Variants in MCF2L2 observed in about 807,000 individuals in gnomAD.
MCF2L2 encodes probable guanine nucleotide exchange factor MCF2L2.
Under a neutral mutation model 150.2 loss-of-function variants are expected in MCF2L2, and 102 were observed. The observed-to-expected ratio is 0.68, with a 90% CI of 0.58 to 0.80. The LOEUF is 0.80. MCF2L2 is among the 30% of genes least tolerant of loss of function. The pLI, the probability that MCF2L2 is intolerant of heterozygous loss-of-function variation, is 0.00. For synonymous variants in MCF2L2, 465 were observed against 491.3 expected, an observed-to-expected ratio of 0.95 and a Z score of 0.71; for missense variants, 1,256 against 1,372.8, an observed-to-expected ratio of 0.91 and a Z score of 1.34.
chr3:183,427,792 A>C (rs927784950), intron 1 of MCF2L2, 110 bp downstream of exon 1: 26 of 922,944 alleles, frequency 2.8e-5, no homozygotes, highest in East Asian at 2.3e-4. Context: ...GCAACCCCCC[A>C]GGAAGCGCGC....
In MCF2L2 at chr3:183,180,246, G is replaced by A. The variant is rs1391329972; in HGVS notation, c.3017-87C>T. ...TGGCAGGGTGTAGCAGGCAGTGCCT[G>A]TTGCAGGCACGGTCCTCCCCATCTC... On this transcript the variant is annotated intron_variant, in intron 27 of 29. Transcript: ENST00000328913. 4 of 833,150 alleles carry A rather than the reference G, an allele frequency of 4.8e-6. No individual in the cohort carries two copies. In the African/African-American group the frequency reaches 5.0e-5, roughly 10 times the overall value. 51.6% of individuals were successfully genotyped at this position (833,150 alleles called of 1,614,324 possible).
chr3:183,391,709 C>T lies in MCF2L2; in HGVS notation c.77-1930G>A, dbSNP rs552557236. Among the ~76,000 whole-genome samples the T allele has an allele frequency of 7.9e-5, 12 of 152,228 alleles. No homozygotes were observed. In the South Asian group the frequency reaches 1.5e-3, roughly 18 times the overall value. The stretch of plus-strand genomic sequence containing the variant: ...GGTTTGTTACATAATTCTCTTGCTA[C>T]GTTTCAAATTTTCTGTAATAAAATG... On this transcript the variant is annotated intron_variant, in intron 1 of 29. Transcript: ENST00000328913.
At position 183,181,971 on chromosome 3, in the gene MCF2L2, T is replaced by G. The variant is rs1232723809; in HGVS notation, c.3017-1812A>C. 6.6e-5 allele frequency among the ~76,000 whole-genome samples: 10 copies of G among 152,206 alleles called. No individual in the cohort carries two copies. Among genetic ancestry groups the G allele is most frequent in the Middle Eastern group, 3.4e-3 (1 of 294 alleles). On this transcript the variant is annotated intron_variant, in intron 27 of 29. Transcript: ENST00000328913. This position sits in a 1 kb window ranked among gnomAD's most constrained non-coding sequence, Gnocchi z 4.3. ...AGTTGGTTCCAGCCCCTCTGCAGGG[T>G]AAGTGGCACCTGGGGTAAAATGACT...
intron 10 of MCF2L2, among the ~76,000 whole-genome samples, chr3:183,308,436 T>C (rs918190441): frequency 4.6e-5 from 7 of 152,240 alleles, no homozygotes; most frequent in East Asian, 1.9e-4. Flanking sequence ...TCATCATATA[T>C]ATGAAATTCA....
In MCF2L2 at chr3:183,305,845, G is replaced by A. The variant is rs193092537; in HGVS notation, c.1113+3871C>T. Among the ~76,000 whole-genome samples, 33 of 152,074 alleles carry A rather than the reference G, an allele frequency of 2.2e-4. No individual in the cohort carries two copies. Among genetic ancestry groups the A allele is most frequent in the African/African-American group, 6.3e-4 (26 of 41,500 alleles). ...GCCTGGGCGGCAAGAGTGAAACTCC[G>A]TCTCAAAAAAAAGGGCAACTAAGGA... On this transcript the variant is annotated intron_variant, in intron 10 of 29. Transcript: ENST00000328913. This position sits in a 1 kb window ranked among gnomAD's most constrained non-coding sequence, Gnocchi z 4.1.
At chr3:183,263,421 C>T (rs1458999763) in intron 15 of MCF2L2, among the ~76,000 whole-genome samples, 1 of 152,134 alleles carries the variant, frequency 6.6e-6, no homozygotes, top group African/African-American at 2.4e-5. Flanking sequence ...GTCTCTCTTC[C>T]CCACTTAGAG....
At chr3:183,223,882 A>G (rs1242493659) in intron 19 of MCF2L2, among the ~76,000 whole-genome samples, 2 of 152,164 alleles carry the variant, frequency 1.3e-5, no homozygotes, top group Non-Finnish European at 2.9e-5. Flanking sequence ...TTTAAAACCC[A>G]TCTTAGAAGA....
At position 183,184,630 on chromosome 3, in the gene MCF2L2, G is replaced by C. The variant is rs572452263; in HGVS notation, c.3017-4471C>G. Reference sequence around the variant, plus strand: ...ATCTAGTGTTCACATTTAGTGCTTAGAATTCTAAGCTTTTTTATTTTGCTT... The same window carrying C: ...ATCTAGTGTTCACATTTAGTGCTTACAATTCTAAGCTTTTTTATTTTGCTT... On this transcript the variant is annotated intron_variant, in intron 27 of 29. Coordinates refer to ENST00000328913, the MANE Select transcript of MCF2L2 (RefSeq NM_015078.4). Among the ~76,000 whole-genome samples the C allele has an allele frequency of 4.6e-5, 7 of 152,332 alleles. No homozygotes were observed. In the South Asian group the frequency reaches 1.4e-3, roughly 32 times the overall value.
In MCF2L2 at chr3:183,180,067, T is replaced by A. The variant is rs1452413671; in HGVS notation, c.3105+4A>T. On this transcript the variant is annotated splice_donor_region_variant and intron_variant, in intron 28 of 29. Transcript: ENST00000328913. ...GATGAAAGAAACAAAAGGGAAGTAATTACACTCAGAGCACTGCTCTCCTTT... is the reference window on the plus strand; with the variant it reads ...GATGAAAGAAACAAAAGGGAAGTAAATACACTCAGAGCACTGCTCTCCTTT... 1.2e-6 allele frequency: 2 copies of A among 1,610,076 alleles called. No individual in the cohort carries two copies. The highest frequency in any genetic ancestry group is 2.2e-5 in the South Asian group (2 of 90,974).
chr3:183,376,442 G>A (rs956243652), intron 3 of MCF2L2: 3 of 152,158 alleles, frequency 2.0e-5, no homozygotes, highest in East Asian at 1.9e-4. Context: ...CTTCCTTGCC[G>A]CTCCCACAGA....
rs553375562 is a variant in MCF2L2, at chr3:183,323,894, T to G, written c.487-543A>C. 2.0e-5 allele frequency among the ~76,000 whole-genome samples: 3 copies of G among 152,064 alleles called. No homozygotes were observed. In the East Asian group the frequency reaches 5.8e-4, roughly 29 times the overall value. The stretch of plus-strand genomic sequence containing the variant: ...AGAAATACCAAAGCGTGGTATAGCC[T>G]GTGACAAAATGTTGACTTGGCTCAG... On this transcript the variant is annotated intron_variant, in intron 5 of 29. Coordinates refer to ENST00000328913, the MANE Select transcript of MCF2L2 (RefSeq NM_015078.4).
intron 1 of MCF2L2, among the ~76,000 whole-genome samples, chr3:183,401,726 T>C (rs1714767992): frequency 6.6e-6 from 1 of 152,262 alleles, no homozygotes; most frequent in Admixed American, 6.5e-5. Flanking sequence ...TCTCTCAGGA[T>C]AACGCATTTG....
chr3:183,294,531 A>G (rs1413197527), intron 13 of MCF2L2, among the ~76,000 whole-genome samples: 1 of 142,050 alleles, frequency 7.0e-6, no homozygotes, highest in African/African-American at 2.6e-5. Context: ...TTATTTATAT[A>G]TATATATGTA....
intron 1 of MCF2L2, among the ~76,000 whole-genome samples, chr3:183,417,179 G>A (rs938784050): frequency 6.8e-5 from 10 of 147,752 alleles, no homozygotes; most frequent in African/African-American, 2.5e-4. Flanking sequence ...GTATACAAGA[G>A]GATGTGCATA....
At position 183,213,248 on chromosome 3, in the gene MCF2L2, GA is replaced by G. The variant is rs1171572355; in HGVS notation, c.2496+2720del. ...TGCATCTCTAATATGCATTGGATTTGAAAAAAAAAAAAACTTTTGTTTTTTT... is the reference window on the plus strand; with the variant it reads ...TGCATCTCTAATATGCATTGGATTTGAAAAAAAAAAAACTTTTGTTTTTTT... On this transcript the variant is annotated intron_variant, in intron 22 of 29. Transcript: ENST00000328913. Among the ~76,000 whole-genome samples, 146 of 118,918 alleles carry G rather than the reference GA, an allele frequency of 1.2e-3. 1 individual carries two copies. The East Asian group carries it at 0.017, about 14-fold the overall frequency. The allele number at this position is 118,918 out of a possible 152,430, so 78.0% of individuals were successfully genotyped here. A position where few individuals can be genotyped will look rare whatever the true frequency, so the allele number is the denominator to read the frequency against.
At chr3:183,286,162 T>G (rs1371221468) in intron 14 of MCF2L2, among the ~76,000 whole-genome samples, 1 of 152,142 alleles carries the variant, frequency 6.6e-6, no homozygotes, top group Non-Finnish European at 1.5e-5. Flanking sequence ...AGGAAATGAT[T>G]TCTCTGATCA....
chr3:183,192,319 A>C (rs1721926106), intron 27 of MCF2L2, among the ~76,000 whole-genome samples: 1 of 151,952 alleles, frequency 6.6e-6, no homozygotes, highest in Non-Finnish European at 1.5e-5. Flanking sequence ...TTGTATTTTT[A>C]GTAGAGACAA....
In MCF2L2 at chr3:183,351,230, ATATATATTTATTTATTTATT is replaced by A. The variant is rs1419978574; in HGVS notation, c.276-9620_276-9601del. On this transcript the variant is annotated intron_variant, in intron 3 of 29. Transcript: ENST00000328913. ...TATATATATATATATATATATATAT[ATATATATTTATTTATTTATT>A]TATCAGAACCCCAGGGCTCAAGCAA... 2.5e-4 allele frequency among the ~76,000 whole-genome samples: 20 copies of A among 79,270 alleles called. 1 individual carries two copies. The highest frequency in any genetic ancestry group is 1.4e-3 in the African/African-American group (19 of 13,780). 52.0% of individuals were successfully genotyped at this position (79,270 alleles called of 152,430 possible). A position where few individuals can be genotyped will look rare whatever the true frequency, so the allele number is the denominator to read the frequency against.
intron 15 of MCF2L2, among the ~76,000 whole-genome samples, chr3:183,261,617 G>A (rs1725594181): frequency 2.6e-5 from 4 of 152,058 alleles, no homozygotes; most frequent in South Asian, 4.1e-4. Flanking sequence ...GATATTCCAA[G>A]TATTAAATTG....
Sources: allele counts gnomAD v4.1 joint callset (sites outside exome capture counted in the v4.1 genomes callset), GRCh38; gene constraint gnomAD v4.1.1; non-coding constraint Gnocchi (gnomAD v3.1); transcripts MANE v1.5; gene names NCBI Gene and HGNC (gene_info 2026-07-23, HGNC 2026-07-21).